The following TRPM5 variants were observed in gnomAD, a reference collection of about 807,000 sequenced individuals.
The protein encoded by TRPM5 is transient receptor potential cation channel subfamily M member 5, also known as MLSN1 and TRP-related.
TRPM5 carries 121 observed loss-of-function variants against 124.9 expected under a neutral mutation model. The ratio of observed to expected loss-of-function variants is 0.97; its 90% CI spans 0.84 to 1.13. The LOEUF is 1.13. TRPM5 is among the 50% of genes most tolerant of loss of function. The pLI, the probability that TRPM5 is intolerant of heterozygous loss-of-function variation, is 0.00. For missense variants in TRPM5, 1,643 were observed against 1,589.1 expected, an observed-to-expected ratio of 1.03 and a Z score of -0.58; for synonymous variants, 781 against 700.5, an observed-to-expected ratio of 1.11 and a Z score of -1.81.
chr11:2,421,992 G>C, intron 2 of TRPM5, 149 bp downstream of exon 7: 1 of 735,704 alleles, frequency 1.4e-6, no homozygotes, highest in Non-Finnish European at 2.1e-6. Flanking sequence ...TGTGGGGTGG[G>C]AGCATTGCCT....
chr11:2,421,467 C>T (rs991835027), intron 2 of TRPM5, among the ~76,000 whole-genome samples: 2 of 152,186 alleles, frequency 1.3e-5, no homozygotes, highest in African/African-American at 4.8e-5. Context: ...GGGGTCCAGT[C>T]CCCCCACCGT....
At chr11:2,414,107 G>A (rs756174742) in exon 12 of TRPM5, 3 of 1,598,142 alleles carry the variant, frequency 1.9e-6, no homozygotes, top group South Asian at 1.1e-5. Context: ...AGCCTCGGTG[G>A]CCAGGTGCAG....
At chr11:2,406,995 G>C in intron 20 of TRPM5, 124 bp downstream of exon 25, 1 of 1,347,406 alleles carries the variant, frequency 7.4e-7, no homozygotes, top group Non-Finnish European at 9.8e-7. Context: ...ACAGAGCCCA[G>C]CTGAGGACCC....
chr11:2,414,015 C>CCCCCCCCCCCCCCA, intron 12 of TRPM5, 46 bp downstream of exon 17: 1 of 752,952 alleles, frequency 1.3e-6, no homozygotes, highest in East Asian at 4.2e-5. Context: ...GCTCGCCCGC[C>CCCCCCCCCCCCCCA]CACCCCACCC....
upstream of TRPM5, among the ~76,000 whole-genome samples, chr11:2,425,090 C>G (rs1845827652): frequency 6.6e-6 from 1 of 152,186 alleles, no homozygotes; most frequent in African/African-American, 2.4e-5. Context: ...TGGTGGTTTT[C>G]TGTGTTGGGA....
chr11:2,410,686 A>G (rs942877962), intron 18 of TRPM5: 6 of 455,134 alleles, frequency 1.3e-5, no homozygotes, highest in Non-Finnish European at 2.6e-5. Flanking sequence ...GCACTGGCTT[A>G]TGAAAAAGTT....
At chr11:2,417,273 A>G (rs1453545781) in intron 7 of TRPM5, among the ~76,000 whole-genome samples, 1 of 152,178 alleles carries the variant, frequency 6.6e-6, no homozygotes, top group Non-Finnish European at 1.5e-5. Context: ...AACACGGTGA[A>G]ACCCCGTCTC....
chr11:2,438,311 AAATTAC>A, the TRPM5 span, among the ~76,000 whole-genome samples: 3 of 152,214 alleles, frequency 2.0e-5, no homozygotes, highest in African/African-American at 7.2e-5. The surrounding 1 kb of genome is among the most constrained non-coding windows in gnomAD (Gnocchi z 5.9). Flanking sequence ...CCACACAAAA[AAATTAC>A]CTAGGAATAC....
upstream of TRPM5, among the ~76,000 whole-genome samples, chr11:2,427,840 G>C (rs1028900967): frequency 6.6e-6 from 1 of 152,102 alleles, no homozygotes; most frequent in African/African-American, 2.4e-5. Flanking sequence ...GTCTCATGCC[G>C]GGGTGCTGGG....
exon 13 of TRPM5, chr11:2,413,548 C>G: frequency 1.2e-6 from 2 of 1,612,560 alleles, no homozygotes; most frequent in Non-Finnish European, 1.7e-6. Flanking sequence ...GATGGGCGTG[C>G]CTGCGGCCAT....
intron 1 of TRPM5, among the ~76,000 whole-genome samples, 175 bp downstream of exon 6, chr11:2,422,745 A>G (rs1845790347): frequency 2.0e-5 from 3 of 151,812 alleles, no homozygotes; most frequent in Non-Finnish European, 4.4e-5. Flanking sequence ...GGCCGGCCAG[A>G]GCCACTCCTT....
At chr11:2,404,643 G>C (rs1397706579) in exon 24 of TRPM5, 1 of 465,754 alleles carries the variant, frequency 2.1e-6, no homozygotes, top group Non-Finnish European at 3.9e-6. Context: ...CTTTTCCACA[G>C]TGCAGGCTGG....
In TRPM5 at chr11:2,413,004, T is replaced by A. The variant is rs1347878909; in HGVS notation, c.2105A>T (p.Glu702Val). The change falls in exon 15 of 24, where the codon GAG becomes GTG. Residue 702 changes from glutamate to valine, a missense_variant. Transcript: ENST00000155858. ...CTGAGCCCTCGGCGCCTCCACCAGC[T>A]CCTCCACCCTGTGCCGCAGAGAAGT... is the stretch of plus-strand genomic sequence containing the variant. 5 of 1,603,882 alleles carry A rather than the reference T, an allele frequency of 3.1e-6. No homozygotes were observed. In the African/African-American group the frequency reaches 5.3e-5, roughly 17 times the overall value.
At chr11:2,410,764 G>A (rs1850429685) in intron 18 of TRPM5, 1 of 438,504 alleles carries the variant, frequency 2.3e-6, no homozygotes, top group South Asian at 1.6e-5. Context: ...GCATGGGCAG[G>A]CCACACACAC....
chr11:2,413,241 G>A lies in TRPM5; in HGVS notation c.2004-15C>T, dbSNP rs1001395356. On this transcript the variant is annotated splice_polypyrimidine_tract_variant and intron_variant, in intron 13 of 23. Transcript: ENST00000155858. ...GAGCTTCCTCACTGCGAGCACAGGA[G>A]AGCTCAGGGCCCGCAGGAAGGGCTC... The A allele has an allele frequency of 6.5e-7, 1 of 1,534,968 alleles. No homozygotes were observed. Among genetic ancestry groups the A allele is most frequent in the Non-Finnish European group, 8.8e-7 (1 of 1,141,426 alleles).
chr11:2,433,771 G>GGT, the TRPM5 span, among the ~76,000 whole-genome samples: 1 of 152,102 alleles, frequency 6.6e-6, no homozygotes, highest in African/African-American at 2.4e-5. Flanking sequence ...GTGCGCACAT[G>GGT]GTGTGTGTGT....
chr11:2,410,295 G>C (rs1850419244), intron 18 of TRPM5, among the ~76,000 whole-genome samples: 1 of 152,146 alleles, frequency 6.6e-6, no homozygotes, highest in African/African-American at 2.4e-5. Flanking sequence ...CTCCGGTCTG[G>C]CCGTCATCCC....
exon 9 of TRPM5, chr11:2,415,125 C>T (rs1166003356): frequency 6.4e-7 from 1 of 1,569,600 alleles, no homozygotes; most frequent in Non-Finnish European, 8.6e-7. Flanking sequence ...GCTCACCGCC[C>T]TCCTGCGGTC....
chr11:2,409,273 G>C (rs1249019986), intron 18 of TRPM5, among the ~76,000 whole-genome samples: 3 of 152,138 alleles, frequency 2.0e-5, no homozygotes, highest in Non-Finnish European at 4.4e-5. Flanking sequence ...TTCCTGGGCA[G>C]ACTGATGACC....
Sources: allele counts gnomAD v4.1 joint callset (sites outside exome capture counted in the v4.1 genomes callset), GRCh38; gene constraint gnomAD v4.1.1; non-coding constraint Gnocchi (gnomAD v3.1); transcripts MANE v1.5; gene names NCBI Gene and HGNC (gene_info 2026-07-23, HGNC 2026-07-21).